Variants in COL27A1 observed in about 807,000 individuals in gnomAD.
COL27A1 encodes the protein collagen type XXVII alpha 1 chain.
In COL27A1, 106 loss-of-function variants were observed where a neutral mutation model predicts 251.3. The ratio of observed to expected loss-of-function variants is 0.42; its 90% CI spans 0.36 to 0.50. COL27A1 has a LOEUF of 0.50. Ranked by LOEUF, COL27A1 falls within the 20% of genes least tolerant of loss-of-function variation. The pLI, the probability that COL27A1 is intolerant of heterozygous loss-of-function variation, is 0.00. For missense variants in COL27A1, 2,325 were observed against 2,522.8 expected, an observed-to-expected ratio of 0.92 and a Z score of 1.68; for synonymous variants, 1,000 against 986.3, an observed-to-expected ratio of 1.01 and a Z score of -0.26.
intron 36 of COL27A1, among the ~76,000 whole-genome samples, chr9:114,274,616 C>T (rs1427887685): frequency 3.3e-5 from 5 of 152,178 alleles, no homozygotes; most frequent in Non-Finnish European, 5.9e-5. Flanking sequence ...TAAGAATGAT[C>T]GCCATGCAGA....
intron 30 of COL27A1, 34 bp from the exon 31 acceptor site, chr9:114,265,032 C>A: frequency 1.2e-6 from 2 of 1,613,224 alleles, no homozygotes; most frequent in Non-Finnish European, 1.7e-6. Context: ...GCTTTGTGAT[C>A]TGAGCCTGTA....
intron 12 of COL27A1, among the ~76,000 whole-genome samples, chr9:114,215,605 G>A (rs1320162597): frequency 6.6e-6 from 1 of 152,134 alleles, no homozygotes; most frequent in African/African-American, 2.4e-5. Context: ...ATGTCAGCAC[G>A]CTTGGAGCCT....
At chr9:114,287,719 C>G (rs1240135321) in intron 41 of COL27A1, among the ~76,000 whole-genome samples, 1 of 152,156 alleles carries the variant, frequency 6.6e-6, no homozygotes, top group African/African-American at 2.4e-5. Flanking sequence ...CTTATGGACA[C>G]AGCCCCCATG....
intron 2 of COL27A1, among the ~76,000 whole-genome samples, chr9:114,164,159 G>A (rs1848677337): frequency 6.6e-6 from 1 of 152,114 alleles, no homozygotes; most frequent in African/African-American, 2.4e-5. Flanking sequence ...TGACTCTTCT[G>A]AGCCCCCTCT....
chr9:114,167,545 C>A, intron 2 of COL27A1, 144 bp from the exon 3 acceptor site: 1 of 702,322 alleles, frequency 1.4e-6, no homozygotes. Flanking sequence ...CACCATGGGG[C>A]GGTGTCATTT....
upstream of COL27A1, among the ~76,000 whole-genome samples, chr9:114,155,303 G>T (rs974259567): frequency 2.0e-5 from 3 of 151,914 alleles, no homozygotes; most frequent in South Asian, 4.2e-4. This position sits in a 1 kb window ranked among gnomAD's most constrained non-coding sequence, Gnocchi z 5.5. Context: ...TCAAATCACC[G>T]TGAAGCCCTG....
intron 25 of COL27A1, among the ~76,000 whole-genome samples, chr9:114,252,364 A>C (rs1367677257): frequency 6.6e-6 from 1 of 152,208 alleles, no homozygotes. Flanking sequence ...GGCCCACTAC[A>C]GGGGATGCTG....
chr9:114,302,116 G>A lies in COL27A1; in HGVS notation c.4872+8G>A, dbSNP rs1010945154. The A allele has an allele frequency of 3.7e-6, 6 of 1,611,908 alleles. No individual in the cohort carries two copies. The highest frequency in any genetic ancestry group is 5.1e-6 in the Non-Finnish European group (6 of 1,178,160). On this transcript the variant is annotated splice_region_variant and intron_variant, in intron 56 of 60. Coordinates refer to ENST00000356083, the MANE Select transcript of COL27A1 (RefSeq NM_032888.4). ...GGGGGTCCTATCCAATTGGTAAGTT[G>A]GAAACCTTCTCTTTTGCCTACTTGG... is the stretch of plus-strand genomic sequence containing the variant.
intron 35 of COL27A1, 53 bp from the exon 36 acceptor site, chr9:114,270,675 C>T (rs945002950): frequency 1.4e-5 from 19 of 1,402,672 alleles, no homozygotes; most frequent in Admixed American, 1.1e-4. Context: ...AAAAGCACAC[C>T]GGGGCCTCCT....
chr9:114,212,387 A>C (rs1810614107), intron 12 of COL27A1, among the ~76,000 whole-genome samples: 1 of 152,280 alleles, frequency 6.6e-6, no homozygotes, highest in African/African-American at 2.4e-5. Flanking sequence ...CTATGGGCCA[A>C]GCATTTTGCT....
intron 4 of COL27A1, among the ~76,000 whole-genome samples, chr9:114,180,455 C>T (rs997852854): frequency 2.6e-5 from 4 of 152,184 alleles, no homozygotes; most frequent in African/African-American, 7.2e-5. Context: ...TCTCCTGACA[C>T]GCTTCTAGGC....
intron 14 of COL27A1, among the ~76,000 whole-genome samples, chr9:114,226,814 G>A (rs1831503216): frequency 6.6e-6 from 1 of 152,226 alleles, no homozygotes; most frequent in African/African-American, 2.4e-5. Context: ...GGATCACAGA[G>A]GTGAGGTCCT....
At position 114,168,178 on chromosome 9, in the gene COL27A1, A is replaced by G. The variant is rs1209118042; in HGVS notation, c.623A>G (p.Gln208Arg). ...LFGKMNPHAV[Q>R]FEGALCQFSI... ...GGGAAGATGAACCCGCATGCAGTCC[A>G]GTTTGAAGGTGCTCTCTGCCAGTTC... The change falls in exon 3 of 61, where the codon CAG becomes CGG. Residue 208 changes from glutamine (Q) to arginine (R), a missense_variant. This residue lies in a region of COL27A1 where 1,183 missense variants were observed against 1,144.1 expected (regional missense o/e 1.03). Coordinates refer to ENST00000356083, the MANE Select transcript of COL27A1 (RefSeq NM_032888.4). 1.2e-6 allele frequency: 2 copies of G among 1,613,780 alleles called. No individual in the cohort carries two copies. Among genetic ancestry groups the G allele is most frequent in the Admixed American group, 1.7e-5 (1 of 60,032 alleles).
Position 114,167,950 on chromosome 9 carries a change from C to G in COL27A1, c.395C>G (p.Pro132Arg), listed in dbSNP as rs1176866131. The G allele has an allele frequency of 6.2e-7, 1 of 1,609,108 alleles. No individual in the cohort carries two copies. Among genetic ancestry groups the G allele is most frequent in the South Asian group, 1.1e-5 (1 of 91,070 alleles). The change falls in exon 3 of 61, where the codon CCC (proline) becomes CGC (arginine). Residue 132 changes from proline (P) to arginine (R), a missense_variant. Coordinates refer to ENST00000356083, the MANE Select transcript of COL27A1 (RefSeq NM_032888.4). ...CTGCAGCTGGGCCTGCAGTTCCTCC[C>G]CGGCAAGACGGTCGTCCACCTCGGG... ...RKLQLGLQFL[P>R]GKTVVHLGSR...
At chr9:114,182,737 G>A (rs1828028127) in intron 4 of COL27A1, among the ~76,000 whole-genome samples, 1 of 152,186 alleles carries the variant, frequency 6.6e-6, no homozygotes. Flanking sequence ...ACGAACCTCT[G>A]TGAACATTGG....
intron 12 of COL27A1, among the ~76,000 whole-genome samples, chr9:114,212,217 G>A (rs956958361): frequency 6.6e-6 from 1 of 152,248 alleles, no homozygotes; most frequent in African/African-American, 2.4e-5. Flanking sequence ...CCTGGGCAAG[G>A]AGCAGCACCT....
intron 10 of COL27A1, among the ~76,000 whole-genome samples, chr9:114,208,859 T>C (rs1443348272): frequency 6.6e-6 from 1 of 151,916 alleles, no homozygotes; most frequent in Non-Finnish European, 1.5e-5. Context: ...TTTGAAGGAT[T>C]TGGCTCAGAA....
chr9:114,288,552 T>A, intron 42 of COL27A1, 41 bp downstream of exon 42: 1 of 1,577,328 alleles, frequency 6.3e-7, no homozygotes, highest in South Asian at 1.2e-5. Context: ...GCGTCCTAGG[T>A]GGAATCTGAG....
At chr9:114,296,527 G>C (rs535928304) in intron 49 of COL27A1, among the ~76,000 whole-genome samples, 2 of 152,334 alleles carry the variant, frequency 1.3e-5, no homozygotes, top group South Asian at 4.1e-4. Flanking sequence ...TATTAAAATA[G>C]TGAAGAGTTT....
Sources: gnomAD v4.1 joint callset for allele counts (sites outside exome capture counted in the v4.1 genomes callset) on GRCh38, gnomAD v4.1.1 for gene constraint, gnomAD v4.1.1 regional missense constraint, Gnocchi (gnomAD v3.1) non-coding constraint, MANE v1.5 for transcripts, NCBI Gene and HGNC (gene_info 2026-07-23, HGNC 2026-07-21) for gene names.